SCN3A: variants seen among roughly 807,000 people sequenced by gnomAD.
SCN3A encodes the protein sodium voltage-gated channel alpha subunit 3.
SCN3A carries 60 observed loss-of-function variants against 187.6 expected under a neutral mutation model. The ratio of observed to expected loss-of-function variants is 0.32; its 90% CI spans 0.26 to 0.40. The LOEUF (loss-of-function observed/expected upper bound fraction) is 0.40, where lower values mean the gene tolerates loss of function less well. Among genes scored for constraint, SCN3A ranks in the 10% least tolerant of loss-of-function variants. The probability of loss-of-function intolerance (pLI) is 1.00; values close to 1 mark genes in which losing one functional copy is unlikely to be tolerated. For synonymous variants in SCN3A, 788 were observed against 829.2 expected (o/e 0.95, Z 0.85); for missense variants, 1,601 against 2,428.2 (o/e 0.66, Z 7.16).
At chr2:165,176,031 A>C in intron 3 of SCN3A, 100 bp downstream of exon 3, 1 of 1,098,426 alleles carries the variant, frequency 9.1e-7, no homozygotes. Context: ...AAAATCTTTA[A>C]CAGAAGAAAA....
intron 25 of SCN3A, among the ~76,000 whole-genome samples, chr2:165,095,266 A>G (rs1213953625): frequency 6.6e-6 from 1 of 152,174 alleles, no homozygotes; most frequent in African/African-American, 2.4e-5. Flanking sequence ...AAAGCACTGG[A>G]GACCCGTTGG....
chr2:165,097,961 C>T (rs1358056362), intron 22 of SCN3A, among the ~76,000 whole-genome samples: 5 of 152,064 alleles, frequency 3.3e-5, no homozygotes, highest in African/African-American at 1.2e-4. Context: ...ATTAAAAATG[C>T]CTTAAATCTA....
intron 4 of SCN3A, 114 bp downstream of exon 4, chr2:165,170,316 C>T: frequency 1.4e-6 from 1 of 702,282 alleles, no homozygotes; most frequent in Admixed American, 2.1e-5. Context: ...ATTAAACTAA[C>T]AATGTTACCA....
At chr2:165,189,421 C>T (rs1317059355) in intron 1 of SCN3A, among the ~76,000 whole-genome samples, 1 of 152,090 alleles carries the variant, frequency 6.6e-6, no homozygotes, top group East Asian at 1.9e-4. Flanking sequence ...GGAAATCCCC[C>T]AAAAACGGTT....
chr2:165,142,048 A>G (rs1401155286), intron 12 of SCN3A, among the ~76,000 whole-genome samples: 1 of 152,168 alleles, frequency 6.6e-6, no homozygotes, highest in Non-Finnish European at 1.5e-5. Flanking sequence ...GTTTTCAAAA[A>G]CATCTCTATT....
At chr2:165,129,801 TTATTCTCTGAG>T (rs1687205414) in intron 17 of SCN3A, 128 bp downstream of exon 17, 3 of 1,053,098 alleles carry the variant, frequency 2.8e-6, no homozygotes, top group Non-Finnish European at 4.4e-6. Flanking sequence ...AATAACTTGC[TTATTCTCTGAG>T]TGCTAATAGG....
intron 21 of SCN3A, among the ~76,000 whole-genome samples, chr2:165,104,520 GAAAC>G (rs1685755498): frequency 6.9e-6 from 1 of 145,504 alleles, no homozygotes; most frequent in African/African-American, 2.5e-5. Context: ...AATGGACAAA[GAAAC>G]AAACAAAATT....
At chr2:165,128,800 GTA>G (rs887411093) in intron 17 of SCN3A, among the ~76,000 whole-genome samples, 26 of 109,680 alleles carry the variant, frequency 2.4e-4, no homozygotes, top group Non-Finnish European at 1.4e-4. Flanking sequence ...TTCTTTGTGT[GTA>G]TGTGTGTGTG....
intron 1 of SCN3A, among the ~76,000 whole-genome samples, chr2:165,202,404 T>C (rs1298636871): frequency 1.3e-5 from 2 of 152,020 alleles, no homozygotes; most frequent in Non-Finnish European, 2.9e-5. Context: ...GTTACTCACA[T>C]TTAGTCACCT....
chr2:165,149,760 C>T (rs1688586669), intron 11 of SCN3A, among the ~76,000 whole-genome samples: 1 of 152,156 alleles, frequency 6.6e-6, no homozygotes, highest in African/African-American at 2.4e-5. Context: ...CTTTCACAGC[C>T]AACTTGCTGA....
intron 14 of SCN3A, 110 bp from the exon 15 acceptor site, chr2:165,138,227 A>G (rs1687787716): frequency 1.3e-6 from 1 of 788,236 alleles, no homozygotes; most frequent in African/African-American, 1.7e-5. Flanking sequence ...TGAAAATAGA[A>G]GTTCATATTA....
chr2:165,119,152 C>T (rs553943104), intron 18 of SCN3A, among the ~76,000 whole-genome samples: 1 of 152,230 alleles, frequency 6.6e-6, no homozygotes, highest in Non-Finnish European at 1.5e-5. Context: ...GTGATTCATC[C>T]ACCTTGGCCT....
intron 2 of SCN3A, among the ~76,000 whole-genome samples, chr2:165,176,894 T>C (rs1003976108): frequency 2.0e-5 from 3 of 152,166 alleles, no homozygotes; most frequent in African/African-American, 7.2e-5. Context: ...TTTTCATAAC[T>C]TTGTAACTCC....
intron 9 of SCN3A, among the ~76,000 whole-genome samples, chr2:165,159,171 G>T (rs1490955654): frequency 1.5e-5 from 2 of 137,768 alleles, no homozygotes; most frequent in Non-Finnish European, 3.0e-5. Flanking sequence ...TGTTGTTTTA[G>T]TTTGCAATTC....
rs528574474 is a variant in SCN3A at position 165,201,769 on chromosome 2, A to G, written c.-248+2054T>C. On this transcript the variant is annotated intron_variant, in intron 1 of 27. Transcript: ENST00000283254. ...AACGCCCCTATTTCTCTATTTTACCACTTTCATGTTTAGCACATCAATCAT... is the reference window on the plus strand; with the variant it reads ...AACGCCCCTATTTCTCTATTTTACCGCTTTCATGTTTAGCACATCAATCAT... Among the ~76,000 whole-genome samples the G allele has an allele frequency of 2.0e-5, 3 of 152,118 alleles. 1 individual carries two copies. Among genetic ancestry groups the G allele is most frequent in the Admixed American group, 6.6e-5 (1 of 15,240 alleles).
At chr2:165,170,213 T>C (rs1209901222) in intron 4 of SCN3A, among the ~76,000 whole-genome samples, 2 of 151,950 alleles carry the variant, frequency 1.3e-5, no homozygotes, top group East Asian at 1.9e-4. Flanking sequence ...GCACATTCAC[T>C]ATCATGGTTG....
chr2:165,098,781 C>T (rs1453171978), intron 22 of SCN3A, among the ~76,000 whole-genome samples: 1 of 152,136 alleles, frequency 6.6e-6, no homozygotes, highest in Non-Finnish European at 1.5e-5. Flanking sequence ...ATTAATTGTG[C>T]TATATGACTG....
chr2:165,129,027 C>T (rs990680622), intron 17 of SCN3A, among the ~76,000 whole-genome samples: 1 of 152,064 alleles, frequency 6.6e-6, no homozygotes, highest in African/African-American at 2.4e-5. Context: ...AGGCAAAAGC[C>T]CCAGTTTGCT....
At chr2:165,112,634 G>GA (rs771412382) in intron 21 of SCN3A, among the ~76,000 whole-genome samples, 1 of 152,026 alleles carries the variant, frequency 6.6e-6, no homozygotes. Context: ...TTAACTTTCA[G>GA]AAAAATAAAA....
Sources: gnomAD v4.1 joint callset for allele counts (sites outside exome capture counted in the v4.1 genomes callset) on GRCh38, gnomAD v4.1.1 for gene constraint, MANE v1.5 for transcripts, NCBI Gene and HGNC (gene_info 2026-07-23, HGNC 2026-07-21) for gene names.